TENM3: variants seen among roughly 807,000 people sequenced by gnomAD.
TENM3 encodes teneurin transmembrane protein 3.
TENM3 carries 63 observed loss-of-function variants against 255.1 expected under a neutral mutation model. The observed-to-expected ratio is 0.25, with a 90% CI of 0.20 to 0.30. The LOEUF (loss-of-function observed/expected upper bound fraction) is 0.30, where lower values mean the gene tolerates loss of function less well. Ranked by LOEUF, TENM3 falls within the 10% of genes least tolerant of loss-of-function variation. The pLI is 1.00. For missense variants in TENM3, 2,929 were observed against 3,461.1 expected, an observed-to-expected ratio of 0.85 and a Z score of 3.86; for synonymous variants, 1,306 against 1,322.3, an observed-to-expected ratio of 0.99 and a Z score of 0.27.
intron 1 of TENM3, among the ~76,000 whole-genome samples, chr4:182,281,413 T>C (rs1269485333): frequency 6.6e-6 from 1 of 152,210 alleles, no homozygotes; most frequent in Non-Finnish European, 1.5e-5. Flanking sequence ...CACTATTACA[T>C]TAAATATAGC....
the TENM3 span, among the ~76,000 whole-genome samples, chr4:181,713,895 C>G: frequency 2.0e-5 from 3 of 152,112 alleles, no homozygotes; most frequent in African/African-American, 7.2e-5. Flanking sequence ...GCCAGCGTTT[C>G]CCACAGAATG....
chr4:182,799,840 A>C lies in TENM3; in HGVS notation c.7589A>C (p.Asn2530Thr). ...DCIKVAAVLN[N>T]AFYLENLHFT... ...ATCAAGGTGGCGGCCGTGCTCAACAACGCCTTCTACCTGGAGAACCTGCAC... is the reference window on the plus strand; with the variant it reads ...ATCAAGGTGGCGGCCGTGCTCAACACCGCCTTCTACCTGGAGAACCTGCAC... Residue 2530 changes from asparagine to threonine, a missense_variant, in exon 28 of 28, where the codon AAC becomes ACC. Asn to Thr is a moderately conservative substitution (Grantham distance 65, BLOSUM62 0). Coordinates refer to ENST00000511685, the MANE Select transcript of TENM3 (RefSeq NM_001080477.4). The surrounding 1 kb of genome is among the most constrained non-coding windows in gnomAD (Gnocchi z 4.2). 1 of 1,611,298 alleles carries C rather than the reference A, an allele frequency of 6.2e-7. No homozygotes were observed. Among genetic ancestry groups the C allele is most frequent in the African/African-American group, 1.3e-5 (1 of 75,024 alleles).
the TENM3 span, among the ~76,000 whole-genome samples, chr4:181,459,353 A>T: frequency 6.6e-6 from 1 of 151,900 alleles, no homozygotes; most frequent in Non-Finnish European, 1.5e-5. Flanking sequence ...CACAAGTTCT[A>T]AAACTGATTA....
intron 3 of TENM3, among the ~76,000 whole-genome samples, chr4:182,367,842 G>A (rs368675591): frequency 1.3e-5 from 2 of 152,174 alleles, no homozygotes; most frequent in South Asian, 4.1e-4. Context: ...AAGGTGGACA[G>A]TGAACAATAG....
chr4:181,671,757 T>TA, the TENM3 span, among the ~76,000 whole-genome samples: 1 of 151,858 alleles, frequency 6.6e-6, no homozygotes, highest in Non-Finnish European at 1.5e-5. Flanking sequence ...TTTTTTTTTT[T>TA]ATCTTTGCAT....
intron 4 of TENM3, among the ~76,000 whole-genome samples, chr4:182,609,755 G>A (rs1000779172): frequency 3.9e-5 from 6 of 152,162 alleles, no homozygotes; most frequent in African/African-American, 1.4e-4. Context: ...CTTGGTCAGG[G>A]TAATTACACA....
intron 3 of TENM3, among the ~76,000 whole-genome samples, chr4:182,369,102 T>G (rs1287394585): frequency 6.6e-6 from 1 of 152,210 alleles, no homozygotes; most frequent in Non-Finnish European, 1.5e-5. Flanking sequence ...TTTCCAATGA[T>G]AATTGCTAAG....
the TENM3 span, among the ~76,000 whole-genome samples, chr4:181,888,736 A>G: frequency 1.3e-4 from 19 of 149,992 alleles, no homozygotes; most frequent in Admixed American, 1.1e-3. Context: ...GTTCAGTCCG[A>G]AGGCCTTGGG....
intron 3 of TENM3, among the ~76,000 whole-genome samples, chr4:182,546,833 T>C (rs1741497860): frequency 6.6e-6 from 1 of 152,204 alleles, no homozygotes; most frequent in Non-Finnish European, 1.5e-5. Context: ...GAAAAGGTTC[T>C]ATATATGCCT....
the TENM3 span, among the ~76,000 whole-genome samples, chr4:182,019,232 AC>A: frequency 6.6e-6 from 1 of 151,666 alleles, no homozygotes; most frequent in African/African-American, 2.4e-5. Flanking sequence ...CAATTTGGAA[AC>A]CCCCAAAGTT....
intron 4 of TENM3, among the ~76,000 whole-genome samples, chr4:182,616,331 A>G (rs561609254): frequency 1.2e-4 from 16 of 138,634 alleles, no homozygotes; most frequent in Middle Eastern, 7.5e-3. Flanking sequence ...ACTGAGAATG[A>G]TGGTCATAGG....
chr4:182,077,319 T>C, the TENM3 span, among the ~76,000 whole-genome samples: 3 of 152,204 alleles, frequency 2.0e-5, no homozygotes, highest in African/African-American at 7.2e-5. Flanking sequence ...TTTCTTGGGA[T>C]TGCTAAAATG....
chr4:182,634,118 C>A (rs1261631571), intron 5 of TENM3, among the ~76,000 whole-genome samples: 1 of 152,144 alleles, frequency 6.6e-6, no homozygotes, highest in Non-Finnish European at 1.5e-5. Context: ...TGTCACGTGT[C>A]CCGTTTCATG....
intron 3 of TENM3, among the ~76,000 whole-genome samples, chr4:182,481,523 G>A (rs962248776): frequency 1.3e-5 from 2 of 152,072 alleles, no homozygotes; most frequent in Non-Finnish European, 2.9e-5. Context: ...GGCCGGGCAC[G>A]GTGGCTCACA....
At chr4:182,449,237 C>CCGCTCCGAAGCCGGTGGCTCCGCTT (rs758941265) in intron 3 of TENM3, among the ~76,000 whole-genome samples, 3 of 149,490 alleles carry the variant, frequency 2.0e-5, no homozygotes, top group Non-Finnish European at 3.0e-5. Context: ...CGGCTCCGCT[C>CCGCTCCGAAGCCGGTGGCTCCGCTT]TTCTCCCTTG....
chr4:181,710,572 G>A, the TENM3 span, among the ~76,000 whole-genome samples: 1 of 151,934 alleles, frequency 6.6e-6, no homozygotes, highest in Admixed American at 6.6e-5. Context: ...AAAAATTAGC[G>A]GGCATGGTGG....
the TENM3 span, among the ~76,000 whole-genome samples, chr4:182,022,250 C>A: frequency 2.8e-4 from 42 of 152,018 alleles, no homozygotes; most frequent in Non-Finnish European, 5.6e-4. Flanking sequence ...TCCTTTGCAG[C>A]AATGTGGATG....
At position 182,674,451 on chromosome 4, in the gene TENM3, A is replaced by G. The variant is rs77700082; in HGVS notation, c.1326+1232A>G. Among the ~76,000 whole-genome samples, 1,451 of 152,230 alleles carry G rather than the reference A, an allele frequency of 9.5e-3. 19 individuals are homozygous for G. The highest frequency in any genetic ancestry group is 0.033 in the African/African-American group (1,379 of 41,552). On this transcript the variant is annotated intron_variant, in intron 7 of 27. Coordinates refer to ENST00000511685, the MANE Select transcript of TENM3 (RefSeq NM_001080477.4). ...TTAGTGTATTCATTTTTCCTATTTAATATTTTTAATATCTATATTATTAAA... is the reference window on the plus strand; with the variant it reads ...TTAGTGTATTCATTTTTCCTATTTAGTATTTTTAATATCTATATTATTAAA...
At chr4:182,517,510 AGTAGCTGGGACTACAGG>A (rs1738111667) in intron 3 of TENM3, among the ~76,000 whole-genome samples, 1 of 145,022 alleles carries the variant, frequency 6.9e-6, no homozygotes, top group Non-Finnish European at 1.5e-5. Flanking sequence ...CAGCCTCCCG[AGTAGCTGGGACTACAGG>A]CGCCCGCTAC....
Sources: allele counts gnomAD v4.1 joint callset (sites outside exome capture counted in the v4.1 genomes callset), GRCh38; gene constraint gnomAD v4.1.1; non-coding constraint Gnocchi (gnomAD v3.1); transcripts MANE v1.5; gene names NCBI Gene and HGNC (gene_info 2026-07-23, HGNC 2026-07-21).